Variants in ROPN1L observed in about 807,000 individuals in gnomAD.
The protein encoded by ROPN1L is ropporin-1-like protein.
ROPN1L carries 23 observed loss-of-function variants against 22.7 expected under a neutral mutation model. The ratio of observed to expected loss-of-function variants is 1.01; its 90% confidence interval spans 0.73 to 1.43. The LOEUF (loss-of-function observed/expected upper bound fraction) is 1.43. ROPN1L is among the 40% of genes most tolerant of loss of function. The pLI, the probability that ROPN1L is intolerant of heterozygous loss-of-function variation, is 0.00. For synonymous variants in ROPN1L, 116 were observed against 117.8 expected (o/e 0.98, Z 0.10); for missense variants, 271 against 291.5 (o/e 0.93, Z 0.51).
At chr5:10,469,521 G>A (rs1735213387), downstream of ROPN1L, among the ~76,000 whole-genome samples, 3 of 152,106 alleles carry the variant, frequency 2.0e-5, no homozygotes, top group Admixed American at 2.0e-4. Flanking sequence ...CATTCATACG[G>A]TGTGACTTTG....
chr5:10,452,287 ATGTGTGTGTGTG>A (rs762971211), intron 3 of ROPN1L, among the ~76,000 whole-genome samples: 2 of 142,514 alleles, frequency 1.4e-5, no homozygotes, highest in East Asian at 2.1e-4. Context: ...CCTAAAGTAT[ATGTGTGTGTGTG>A]TGTGTGTGTG....
chr5:10,463,597 T>G (rs1159940138), intron 4 of ROPN1L, among the ~76,000 whole-genome samples: 1 of 152,172 alleles, frequency 6.6e-6, no homozygotes, highest in Non-Finnish European at 1.5e-5. Context: ...GCCCCCCAAG[T>G]GCTGGTTATG....
At chr5:10,460,813 AG>A (rs2126463922) in intron 3 of ROPN1L, among the ~76,000 whole-genome samples, 1 of 152,364 alleles carries the variant, frequency 6.6e-6, no homozygotes, top group Admixed American at 6.5e-5. Context: ...GAGTTCATTC[AG>A]CCCCTGGGCA....
In ROPN1L at chr5:10,450,048, G is replaced by T. The variant is rs1271641999; in HGVS notation, c.352G>T (p.Asp118Tyr). ...KEKFKALLQL[D>Y]PCENKIKWIN... ...AAAATTCAAAGCGCTCTTACAACTG[G>T]ATCCTTGTGAAAACAAAATCAAGTG... is the stretch of plus-strand genomic sequence containing the variant. The change falls in exon 3 of 5, where the codon GAT (aspartate) becomes TAT (tyrosine). Residue 118 changes from aspartate (D) to tyrosine (Y), a missense_variant. By Grantham distance (160) the Asp-to-Tyr change is radical. Transcript: ENST00000274134. 2 of 1,613,758 alleles carry T rather than the reference G, an allele frequency of 1.2e-6. No homozygotes were observed. Among genetic ancestry groups the T allele is most frequent in the Admixed American group, 1.7e-5 (1 of 59,898 alleles).
intron 1 of ROPN1L, among the ~76,000 whole-genome samples, chr5:10,443,028 T>G (rs1434092415): frequency 1.3e-5 from 2 of 152,138 alleles, no homozygotes; most frequent in Non-Finnish European, 2.9e-5. Context: ...TCAGCACAGG[T>G]GTAAATTTAA....
chr5:10,443,803 C>T (rs1295669593), intron 1 of ROPN1L, among the ~76,000 whole-genome samples: 1 of 152,172 alleles, frequency 6.6e-6, no homozygotes, highest in Non-Finnish European at 1.5e-5. Context: ...ATTTCTTGGA[C>T]GCCTTGGCTC....
intron 1 of ROPN1L, among the ~76,000 whole-genome samples, 174 bp downstream of exon 1, chr5:10,442,472 A>C (rs981347921): frequency 6.6e-6 from 1 of 152,248 alleles, no homozygotes; most frequent in African/African-American, 2.4e-5. Context: ...TTATCTAGGA[A>C]CCATTTCGAT....
At chr5:10,461,565 G>A in intron 4 of ROPN1L, 1 of 539,256 alleles carries the variant, frequency 1.9e-6, no homozygotes, top group South Asian at 2.2e-5. Flanking sequence ...CACCAGCTGT[G>A]CATTCTCATT....
intron 3 of ROPN1L, 37 bp from the exon 4 acceptor site, chr5:10,461,147 A>G (rs371048087): frequency 1.9e-6 from 3 of 1,582,068 alleles, no homozygotes. Flanking sequence ...TGCCAGGAGT[A>G]ACTGTTTTTC....
intron 3 of ROPN1L, among the ~76,000 whole-genome samples, 174 bp from the exon 4 acceptor site, chr5:10,461,010 A>G (rs1735012708): frequency 6.6e-6 from 1 of 151,998 alleles, no homozygotes; most frequent in Admixed American, 6.6e-5. Flanking sequence ...TTTCCTTTTC[A>G]TTTTTCATTA....
intron 4 of ROPN1L, among the ~76,000 whole-genome samples, chr5:10,470,817 G>T (rs187714166): frequency 4.0e-4 from 61 of 152,382 alleles, no homozygotes; most frequent in Non-Finnish European, 2.1e-4. Context: ...GGACATTTGG[G>T]TTGGGATAAT....
chr5:10,473,074 C>A (rs1484525550), downstream of ROPN1L, among the ~76,000 whole-genome samples: 1 of 152,204 alleles, frequency 6.6e-6, no homozygotes, highest in Non-Finnish European at 1.5e-5. Context: ...GCAAGTCCCC[C>A]TCCAGGCTTA....
intron 3 of ROPN1L, 88 bp from the exon 4 acceptor site, chr5:10,461,096 A>C: frequency 1.7e-6 from 2 of 1,198,294 alleles, no homozygotes; most frequent in Non-Finnish European, 2.4e-6. Flanking sequence ...CAAATATGCT[A>C]GAGTGTTGAT....
the ROPN1L span, among the ~76,000 whole-genome samples, chr5:10,478,357 A>G: frequency 6.6e-6 from 1 of 152,178 alleles, no homozygotes; most frequent in Non-Finnish European, 1.5e-5. Context: ...AAAGTATCAC[A>G]AACTCAGGGG....
chr5:10,481,935 C>G, the ROPN1L span: 1 of 152,268 alleles, frequency 6.6e-6, no homozygotes, highest in Admixed American at 6.6e-5. Context: ...CAATCTGGAA[C>G]AAGAGGAGAG....
chr5:10,454,298 T>C (rs1579649154), intron 3 of ROPN1L, among the ~76,000 whole-genome samples: 1 of 152,134 alleles, frequency 6.6e-6, no homozygotes, highest in African/African-American at 2.4e-5. Flanking sequence ...TAATTTTTTA[T>C]TTTTTGTAGA....
intron 1 of ROPN1L, among the ~76,000 whole-genome samples, chr5:10,447,150 G>A (rs563122643): frequency 1.6e-4 from 25 of 152,296 alleles, no homozygotes; most frequent in African/African-American, 5.5e-4. Flanking sequence ...ATGCTTTGAT[G>A]TTCATTTGCC....
intron 1 of ROPN1L, among the ~76,000 whole-genome samples, chr5:10,446,573 A>G (rs1220783348): frequency 1.3e-5 from 2 of 151,844 alleles, no homozygotes; most frequent in Non-Finnish European, 2.9e-5. Context: ...AGGCCGGAGA[A>G]TAGCTTGAAC....
chr5:10,442,172 C>A lies in ROPN1L; in HGVS notation c.5C>A (p.Pro2Gln), dbSNP rs1359636885. Reference sequence around the variant, plus strand: ...TGGTCCCTTCTGCGGAGAGCGATGCCGCTTCCCGACACCATGTTCTGCGCT... The same window carrying A: ...TGGTCCCTTCTGCGGAGAGCGATGCAGCTTCCCGACACCATGTTCTGCGCT... M[P>Q]LPDTMFCAQQ... The change falls in exon 1 of 5, where the codon CCG (proline) becomes CAG (glutamine). Residue 2 changes from proline (P) to glutamine (Q), a missense_variant. Physicochemically the swap from Pro to Gln is moderately conservative, Grantham distance 76. Coordinates refer to ENST00000274134, the MANE Select transcript of ROPN1L (RefSeq NM_031916.5). The A allele has an allele frequency of 6.2e-7, 1 of 1,613,292 alleles. No individual in the cohort carries two copies. Among genetic ancestry groups the A allele is most frequent in the Non-Finnish European group, 8.5e-7 (1 of 1,179,638 alleles).
Sources: gnomAD v4.1 joint callset for allele counts (sites outside exome capture counted in the v4.1 genomes callset) on GRCh38, gnomAD v4.1.1 for gene constraint, MANE v1.5 for transcripts, NCBI Gene and HGNC (gene_info 2026-07-23, HGNC 2026-07-21) for gene names.